The following SOCS7 variants were observed in gnomAD, a reference collection of about 807,000 sequenced individuals.
The protein encoded by SOCS7 is suppressor of cytokine signaling 7, also known as NAP-4.
In SOCS7, 18 loss-of-function variants were observed where a neutral mutation model predicts 58.9. The observed-to-expected ratio is 0.31, with a 90% CI of 0.21 to 0.45. The LOEUF is 0.45. SOCS7 is among the 20% of genes least tolerant of loss of function. The pLI, the probability that SOCS7 is intolerant of heterozygous loss-of-function variation, is 1.00. For synonymous variants in SOCS7, 388 were observed against 364.3 expected (o/e 1.06, Z -0.74); for missense variants, 667 against 837.3 (o/e 0.80, Z 2.51).
At chr17:38,364,666 C>T in intron 2 of SOCS7, 86 bp from the exon 3 acceptor site, 1 of 1,094,176 alleles carries the variant, frequency 9.1e-7, no homozygotes, top group South Asian at 1.3e-5. Flanking sequence ...CCCAGCCTCG[C>T]CTGCTTGCCC....
chr17:38,354,749 G>A (rs1555566630), intron 1 of SOCS7, among the ~76,000 whole-genome samples: 1 of 152,210 alleles, frequency 6.6e-6, no homozygotes, highest in Non-Finnish European at 1.5e-5. Context: ...TAATGACATA[G>A]GATAGATTGC....
chr17:38,353,293 C>G (rs1402452159), intron 1 of SOCS7, among the ~76,000 whole-genome samples: 2 of 152,168 alleles, frequency 1.3e-5, no homozygotes, highest in African/African-American at 2.4e-5. Context: ...GACCATCCTC[C>G]CATCCCCATC....
rs776829044 is a variant in SOCS7, at chr17:38,364,791, G to C, written c.1085G>C (p.Arg362Pro). The C allele has an allele frequency of 6.8e-6, 11 of 1,613,902 alleles. No homozygotes were observed. The highest frequency in any genetic ancestry group is 1.3e-5 in the African/African-American group (1 of 74,950). The stretch of plus-strand genomic sequence containing the variant: ...CTTGTGGATGTGGACATTTCTCAGC[G>C]GGGCCTGACCTCTCCACACCCTCCA... ...VSLVDVDISQ[R>P]GLTSPHPPTP... The change falls in exon 3 of 10, where the codon CGG (arginine) becomes CCG (proline). Residue 362 changes from arginine (R) to proline (P), a missense_variant. Arg to Pro is a moderately radical substitution (Grantham distance 103, BLOSUM62 -2). This residue lies in a region of SOCS7 where 99 missense variants were observed against 122.9 expected (regional missense o/e 0.81). Coordinates refer to ENST00000612932, the MANE Select transcript of SOCS7 (RefSeq NM_014598.4).
chr17:38,392,860 G>A (rs1352807425), intron 7 of SOCS7, among the ~76,000 whole-genome samples: 1 of 152,174 alleles, frequency 6.6e-6, no homozygotes, highest in Non-Finnish European at 1.5e-5. Context: ...TCTTCCTTAG[G>A]GCAGGTGTTC....
At chr17:38,380,728 G>A (rs1021504097) in intron 7 of SOCS7, among the ~76,000 whole-genome samples, 2 of 151,826 alleles carry the variant, frequency 1.3e-5, no homozygotes, top group Non-Finnish European at 2.9e-5. Context: ...GCATGGTGGC[G>A]GGCACCTGTA....
At chr17:38,369,374 G>C (rs1021856944) in intron 6 of SOCS7, among the ~76,000 whole-genome samples, 10 of 152,126 alleles carry the variant, frequency 6.6e-5, no homozygotes, top group African/African-American at 2.4e-4. Context: ...GGTTTCCTCT[G>C]TACCCACTTC....
chr17:38,367,127 C>G (rs913974766), intron 5 of SOCS7, among the ~76,000 whole-genome samples: 1 of 152,140 alleles, frequency 6.6e-6, no homozygotes, highest in Non-Finnish European at 1.5e-5. Flanking sequence ...TGCAGTGGCG[C>G]AATCTCGGCT....
At chr17:38,397,630 C>T (rs1291001869) in intron 9 of SOCS7, among the ~76,000 whole-genome samples, 1 of 152,242 alleles carries the variant, frequency 6.6e-6, no homozygotes, top group Non-Finnish European at 1.5e-5. Context: ...GGATGGTTTT[C>T]CTCAAGAGCT....
chr17:38,384,569 C>T (rs1048569736), intron 7 of SOCS7, among the ~76,000 whole-genome samples: 3 of 151,946 alleles, frequency 2.0e-5, no homozygotes, highest in Non-Finnish European at 4.4e-5. Context: ...GTTGAGATTA[C>T]AGGTGTGAAC....
In SOCS7 at chr17:38,387,570, A is replaced by G. The variant is rs2144383629; in HGVS notation, c.1682-7739A>G. On this transcript the variant is annotated intron_variant, in intron 7 of 9. Coordinates refer to ENST00000612932, the MANE Select transcript of SOCS7 (RefSeq NM_014598.4). The stretch of plus-strand genomic sequence containing the variant: ...TATATATATACACAATACATAATAT[A>G]TATACACAATATATTGTATATATTA... 2.2e-5 allele frequency among the ~76,000 whole-genome samples: 3 copies of G among 134,218 alleles called. No individual in the cohort carries two copies. The South Asian group carries it at 6.9e-4, about 31-fold the overall frequency. 88.1% of individuals were successfully genotyped at this position (134,218 alleles called of 152,430 possible).
chr17:38,368,832 A>G (rs2037825629), intron 6 of SOCS7, among the ~76,000 whole-genome samples: 1 of 152,200 alleles, frequency 6.6e-6, no homozygotes, highest in Non-Finnish European at 1.5e-5. Flanking sequence ...CAGCATGGTG[A>G]TAATTTCCTC....
chr17:38,356,680 A>AAAAGAAAG (rs59457183), intron 1 of SOCS7, among the ~76,000 whole-genome samples: 2 of 151,896 alleles, frequency 1.3e-5, no homozygotes, highest in African/African-American at 2.4e-5. Flanking sequence ...CATCTCTTTA[A>AAAAGAAAG]AAAGAAAGAA....
chr17:38,352,689 C>T lies in SOCS7; in HGVS notation c.637C>T (p.Arg213Trp). 6.5e-7 allele frequency: 1 copy of T among 1,549,918 alleles called. No homozygotes were observed. The highest frequency in any genetic ancestry group is 8.7e-7 in the Non-Finnish European group (1 of 1,146,852). The change falls in exon 1 of 10, where the codon CGG becomes TGG. Residue 213 changes from arginine to tryptophan, a missense_variant. Transcript: ENST00000612932. The surrounding 1 kb of genome is among the most constrained non-coding windows in gnomAD (Gnocchi z 5.5). ...SPGRGGGGGG[R>W]LLLQPPGPEL... is the part of the protein sequence containing the mutation. ...GGGTCGCGGAGGAGGAGGGGGCGGC[C>T]GGCTTCTGCTGCAGCCCCCAGGCCC...
intron 7 of SOCS7, among the ~76,000 whole-genome samples, chr17:38,389,203 A>G (rs1052061726): frequency 2.0e-5 from 3 of 152,182 alleles, no homozygotes; most frequent in Non-Finnish European, 4.4e-5. Flanking sequence ...CTTATTGGCT[A>G]TTGTATCTCT....
chr17:38,379,024 G>A (rs1011134532), intron 7 of SOCS7, among the ~76,000 whole-genome samples: 5 of 151,994 alleles, frequency 3.3e-5, no homozygotes, highest in African/African-American at 1.2e-4. Context: ...CGGGTGTGAT[G>A]CCAGGCGTCT....
At chr17:38,388,187 C>A (rs2038105966) in intron 7 of SOCS7, among the ~76,000 whole-genome samples, 1 of 152,062 alleles carries the variant, frequency 6.6e-6, no homozygotes, top group African/African-American at 2.4e-5. Flanking sequence ...TCTCTCCCTC[C>A]CTTCCTTCCT....
intron 7 of SOCS7, among the ~76,000 whole-genome samples, chr17:38,385,045 C>A (rs1033363603): frequency 6.6e-6 from 1 of 150,928 alleles, no homozygotes; most frequent in Non-Finnish European, 1.5e-5. Flanking sequence ...TACAGGCATC[C>A]GCCACCACGC....
chr17:38,387,134 T>TGTATATATATATATATATATATATATAC (rs2038084869), intron 7 of SOCS7, among the ~76,000 whole-genome samples: 1 of 92,062 alleles, frequency 1.1e-5, no homozygotes, highest in African/African-American at 4.5e-5. Context: ...TATATGTATG[T>TGTATATATATATATATATATATATATAC]ATATATATAT....
intron 6 of SOCS7, among the ~76,000 whole-genome samples, chr17:38,373,344 A>G (rs1222625469): frequency 6.6e-6 from 1 of 152,186 alleles, no homozygotes; most frequent in Non-Finnish European, 1.5e-5. Context: ...CCCAGACACC[A>G]TGGGGAAAAT....
Sources: allele counts gnomAD v4.1 joint callset (sites outside exome capture counted in the v4.1 genomes callset), GRCh38; gene constraint gnomAD v4.1.1; regional missense constraint gnomAD v4.1.1; non-coding constraint Gnocchi (gnomAD v3.1); transcripts MANE v1.5; gene names NCBI Gene and HGNC (gene_info 2026-07-23, HGNC 2026-07-21).